Variants in CNNM2 observed in about 807,000 individuals in gnomAD.
CNNM2 encodes metal transporter CNNM2.
A neutral mutation model predicts 66.9 loss-of-function variants in CNNM2; 12 were observed. The ratio of observed to expected loss-of-function variants is 0.18; its 90% CI spans 0.11 to 0.29. The LOEUF is 0.29. Among genes scored for constraint, CNNM2 ranks in the 10% least tolerant of loss-of-function variants. The probability of loss-of-function intolerance (pLI) is 1.00; values close to 1 mark genes in which losing one functional copy is unlikely to be tolerated. For synonymous variants in CNNM2, 557 were observed against 501.8 expected (o/e 1.11, Z -1.47); for missense variants, 705 against 1,167.7 (o/e 0.60, Z 5.77).
In CNNM2 at chr10:103,083,473, C is replaced by T. The variant is rs543174539; in HGVS notation, c.*6293C>T. 5.9e-5 allele frequency: 9 copies of T among 152,320 alleles called. No homozygotes were observed. The South Asian group carries it at 1.0e-3, about 18-fold the overall frequency. 9.4% of individuals were successfully genotyped at this position (152,320 alleles called of 1,614,324 possible). A position where few individuals can be genotyped will look rare whatever the true frequency, so the allele number is the denominator to read the frequency against. On this transcript the variant is annotated 3_prime_UTR_variant, in exon 8 of 8. Coordinates refer to ENST00000369878, the MANE Select transcript of CNNM2 (RefSeq NM_017649.5). ...TATTCAGCTTGGCTGAACCAACTGC[C>T]CTACCCACTTGCCTGGCTTTGCTGG...
chr10:102,922,763 A>T (rs1239936870), intron 1 of CNNM2, among the ~76,000 whole-genome samples: 2 of 151,978 alleles, frequency 1.3e-5, no homozygotes, highest in Non-Finnish European at 2.9e-5. Flanking sequence ...CTACCTGGTG[A>T]CACCCCGTGC....
rs528999649 is a variant in CNNM2, at chr10:103,085,908, T to A, written c.*8728T>A. 4 of 152,232 alleles carry A rather than the reference T, an allele frequency of 2.6e-5. No homozygotes were observed. In the South Asian group the frequency reaches 8.3e-4, roughly 32 times the overall value. The allele number at this position is 152,232 out of a possible 1,614,324, so 9.4% of individuals were successfully genotyped here. On this transcript the variant is annotated 3_prime_UTR_variant, in exon 8 of 8. Transcript: ENST00000369878. ...TGGTTGAGAAATCCAGGTTAAAGAATAGAAAAGCTTTTTACTCATTCTATA... is the reference window on the plus strand; with the variant it reads ...TGGTTGAGAAATCCAGGTTAAAGAAAAGAAAAGCTTTTTACTCATTCTATA...
chr10:103,042,126 T>A (rs2065051247), intron 1 of CNNM2, among the ~76,000 whole-genome samples: 1 of 152,222 alleles, frequency 6.6e-6, no homozygotes, highest in South Asian at 2.1e-4. Context: ...TCTGTTCCTC[T>A]CATTGCTCAG....
At chr10:103,029,215 G>A (rs1178978988) in intron 1 of CNNM2, among the ~76,000 whole-genome samples, 2 of 150,806 alleles carry the variant, frequency 1.3e-5, no homozygotes, top group East Asian at 4.0e-4. Flanking sequence ...TGTAATCCCA[G>A]TACTTTAGGA....
intron 1 of CNNM2, among the ~76,000 whole-genome samples, chr10:103,026,433 C>G (rs2064704298): frequency 6.6e-6 from 1 of 151,600 alleles, no homozygotes; most frequent in South Asian, 2.1e-4. Context: ...AACTGTGTCT[C>G]TACAAAAAAT....
At position 103,009,635 on chromosome 10, in the gene CNNM2, T is replaced by A. The variant is rs12221335; in HGVS notation, c.1622-40072T>A. Among the ~76,000 whole-genome samples the A allele has an allele frequency of 0.1, 13,399 of 133,222 alleles. 823 individuals carry two copies. Among genetic ancestry groups the A allele is most frequent in the East Asian group, 0.28 (1,324 of 4,648 alleles). The allele number at this position is 133,222 out of a possible 152,430, so 87.4% of individuals were successfully genotyped here. On this transcript the variant is annotated intron_variant, in intron 1 of 7. Coordinates refer to ENST00000369878, the MANE Select transcript of CNNM2 (RefSeq NM_017649.5). ...GAGCCCAGGAGGTGGGAGGCTGCAG[T>A]GAGCCATGATCATACCACTACATTC...
chr10:102,968,638 T>C (rs2063502552), intron 1 of CNNM2, among the ~76,000 whole-genome samples: 1 of 151,780 alleles, frequency 6.6e-6, no homozygotes, highest in East Asian at 1.9e-4. Flanking sequence ...AGACAGGGTC[T>C]TGCTCTGCCT....
At chr10:102,925,695 A>G (rs932145208) in intron 1 of CNNM2, among the ~76,000 whole-genome samples, 1 of 152,134 alleles carries the variant, frequency 6.6e-6, no homozygotes, top group African/African-American at 2.4e-5. Context: ...AGTGAGTGTT[A>G]CCGTTGGTTT....
At chr10:103,009,386 A>C (rs949008733) in intron 1 of CNNM2, among the ~76,000 whole-genome samples, 10 of 152,106 alleles carry the variant, frequency 6.6e-5, no homozygotes, top group Non-Finnish European at 1.2e-4. Flanking sequence ...AACCAGAAAA[A>C]TTTTGCTCAA....
chr10:103,040,917 A>G (rs377069579), intron 1 of CNNM2, among the ~76,000 whole-genome samples: 14 of 152,318 alleles, frequency 9.2e-5, no homozygotes, highest in African/African-American at 3.1e-4. Context: ...GATTCCAGAT[A>G]TAGCTAAATA....
intron 1 of CNNM2, among the ~76,000 whole-genome samples, chr10:102,985,562 C>T (rs1256736831): frequency 1.3e-5 from 2 of 152,156 alleles, no homozygotes; most frequent in African/African-American, 4.8e-5. Context: ...TCAGGTTCTT[C>T]CTTGACATCC....
intron 1 of CNNM2, among the ~76,000 whole-genome samples, chr10:102,965,594 C>A (rs1189462181): frequency 6.6e-6 from 1 of 152,178 alleles, no homozygotes; most frequent in Non-Finnish European, 1.5e-5. Context: ...CCTGTAGTGT[C>A]TGCTTTACTG....
chr10:103,072,864 C>A (rs2134366331), intron 6 of CNNM2, among the ~76,000 whole-genome samples: 1 of 152,342 alleles, frequency 6.6e-6, no homozygotes, highest in East Asian at 1.9e-4. Flanking sequence ...GTCCGTCTCA[C>A]CAAAAGTTAA....
At chr10:102,997,991 C>G (rs2064035670) in intron 1 of CNNM2, among the ~76,000 whole-genome samples, 1 of 151,976 alleles carries the variant, frequency 6.6e-6, no homozygotes, top group African/African-American at 2.4e-5. Context: ...TAGATACACA[C>G]CATATTTATG....
At chr10:102,973,617 A>G (rs998461921) in intron 1 of CNNM2, among the ~76,000 whole-genome samples, 2 of 151,382 alleles carry the variant, frequency 1.3e-5, no homozygotes, top group Non-Finnish European at 2.9e-5. Context: ...TTGGCTTCCC[A>G]GAGTACTGGG....
chr10:102,923,015 C>G (rs1203305919), intron 1 of CNNM2, among the ~76,000 whole-genome samples: 1 of 151,368 alleles, frequency 6.6e-6, no homozygotes, highest in Non-Finnish European at 1.5e-5. Flanking sequence ...CTGTATATAG[C>G]TGTAGAGAAT....
intron 1 of CNNM2, among the ~76,000 whole-genome samples, chr10:102,928,854 C>T (rs1430572626): frequency 4.6e-5 from 7 of 152,288 alleles, no homozygotes; most frequent in Middle Eastern, 6.8e-3. Flanking sequence ...TTTGAGAGGA[C>T]GCATTCAAAC....
intron 1 of CNNM2, among the ~76,000 whole-genome samples, chr10:103,006,173 A>G (rs977665459): frequency 6.6e-6 from 1 of 151,422 alleles, no homozygotes; most frequent in African/African-American, 2.4e-5. Flanking sequence ...GTATTTCACC[A>G]TTAACTGTGA....
intron 1 of CNNM2, among the ~76,000 whole-genome samples, chr10:102,964,104 A>G (rs2063424713): frequency 6.6e-6 from 1 of 152,228 alleles, no homozygotes; most frequent in South Asian, 2.1e-4. Flanking sequence ...AAAATAGTCT[A>G]CAAATATTAA....
Sources: allele counts gnomAD v4.1 joint callset (sites outside exome capture counted in the v4.1 genomes callset), GRCh38; gene constraint gnomAD v4.1.1; transcripts MANE v1.5; gene names NCBI Gene and HGNC (gene_info 2026-07-23, HGNC 2026-07-21).